PARD3B: variants seen among roughly 807,000 people sequenced by gnomAD.
The protein encoded by PARD3B is partitioning defective 3 homolog B.
A neutral mutation model predicts 130.2 loss-of-function variants in PARD3B; 103 were observed. That is an observed-to-expected ratio of 0.79 (90% confidence interval 0.67 to 0.93). The LOEUF (loss-of-function observed/expected upper bound fraction) is 0.93. Ranked by LOEUF, PARD3B falls within the 40% of genes least tolerant of loss-of-function variation. The pLI is 0.00. For synonymous variants in PARD3B, 583 were observed against 553.2 expected (o/e 1.05, Z -0.76); for missense variants, 1,609 against 1,499.2 (o/e 1.07, Z -1.21).
At chr2:204,927,102 C>T (rs1028964973) in intron 2 of PARD3B, among the ~76,000 whole-genome samples, 1 of 151,936 alleles carries the variant, frequency 6.6e-6, no homozygotes, top group African/African-American at 2.4e-5. Context: ...AATGCATAGC[C>T]CTCTTTAGGA....
At chr2:205,152,906 G>A (rs893456888) in intron 10 of PARD3B, among the ~76,000 whole-genome samples, 1 of 152,068 alleles carries the variant, frequency 6.6e-6, no homozygotes, top group African/African-American at 2.4e-5. Flanking sequence ...ATCTACCTTT[G>A]GTCTTTGATG....
intron 2 of PARD3B, among the ~76,000 whole-genome samples, chr2:204,938,637 T>G (rs1688652340): frequency 6.6e-6 from 1 of 152,244 alleles, no homozygotes; most frequent in Non-Finnish European, 1.5e-5. Context: ...TGGAAGTGCA[T>G]TAAAATCATT....
intron 7 of PARD3B, among the ~76,000 whole-genome samples, chr2:205,120,694 G>GA (rs1173205067): frequency 8.5e-5 from 13 of 152,178 alleles, no homozygotes; most frequent in Admixed American, 7.9e-4. Flanking sequence ...TCCTTCAGTG[G>GA]AAAAATGGGC....
intron 1 of PARD3B, among the ~76,000 whole-genome samples, chr2:204,546,419 C>G (rs971506197): frequency 6.6e-6 from 1 of 152,102 alleles, no homozygotes; most frequent in Non-Finnish European, 1.5e-5. Flanking sequence ...TAACGAGATC[C>G]CCAGGTGATT....
intron 1 of PARD3B, among the ~76,000 whole-genome samples, chr2:204,679,930 A>G (rs2036743080): frequency 6.6e-6 from 1 of 152,022 alleles, no homozygotes; most frequent in African/African-American, 2.4e-5. Flanking sequence ...TATAGACATC[A>G]CTGAATTTGA....
At position 205,446,868 on chromosome 2, in the gene PARD3B, A is replaced by G. The variant is rs2047924815; in HGVS notation, c.3044+6196A>G. On this transcript the variant is annotated intron_variant, in intron 20 of 22. Transcript: ENST00000406610. The surrounding 1 kb of genome is among the most constrained non-coding windows in gnomAD (Gnocchi z 4.4). The stretch of plus-strand genomic sequence containing the variant: ...GAAAGGGCTCCCAGAGTGTATGAAC[A>G]TGAAAACTTTATGTCTGGATGAGGA... Among the ~76,000 whole-genome samples the G allele has an allele frequency of 6.6e-6, 1 of 152,212 alleles. No homozygotes were observed. The highest frequency in any genetic ancestry group is 2.1e-4 in the South Asian group (1 of 4,832).
intron 5 of PARD3B, among the ~76,000 whole-genome samples, chr2:205,106,143 T>G (rs1355929841): frequency 6.6e-6 from 1 of 151,578 alleles, no homozygotes; most frequent in African/African-American, 2.4e-5. Context: ...TTTTATTTAT[T>G]TATTTATTTT....
At chr2:205,023,142 A>G (rs895518140) in intron 3 of PARD3B, among the ~76,000 whole-genome samples, 6 of 151,928 alleles carry the variant, frequency 3.9e-5, no homozygotes, top group African/African-American at 9.7e-5. Context: ...TGTCGGGGGG[A>G]TTAGAAGTTC....
At chr2:204,558,851 C>G (rs905368243) in intron 1 of PARD3B, among the ~76,000 whole-genome samples, 2 of 152,100 alleles carry the variant, frequency 1.3e-5, no homozygotes, top group African/African-American at 4.8e-5. Flanking sequence ...GAGATATAGA[C>G]CAATGGAACG....
At chr2:205,209,361 T>C (rs1432779291) in intron 15 of PARD3B, among the ~76,000 whole-genome samples, 1 of 151,986 alleles carries the variant, frequency 6.6e-6, no homozygotes, top group African/African-American at 2.4e-5. Context: ...AAAGACAAAA[T>C]TGACAAATGG....
At chr2:204,727,144 G>A (rs2039271272) in intron 2 of PARD3B, among the ~76,000 whole-genome samples, 1 of 151,908 alleles carries the variant, frequency 6.6e-6, no homozygotes, top group Admixed American at 6.6e-5. Flanking sequence ...TGAGAAGCTT[G>A]GTGTCAGAGC....
At chr2:205,447,891 G>T (rs1006108316) in intron 20 of PARD3B, among the ~76,000 whole-genome samples, 1 of 152,242 alleles carries the variant, frequency 6.6e-6, no homozygotes, top group Admixed American at 6.5e-5. Context: ...CACTGTCTCC[G>T]TGTAGCTTTT....
chr2:205,547,968 C>CAGT (rs1472826944), intron 21 of PARD3B, among the ~76,000 whole-genome samples: 2 of 152,166 alleles, frequency 1.3e-5, no homozygotes, highest in East Asian at 3.9e-4. Context: ...CACTAACACA[C>CAGT]AGTCCCTGTC....
chr2:205,008,521 T>C (rs964375103), intron 3 of PARD3B, among the ~76,000 whole-genome samples: 4 of 152,186 alleles, frequency 2.6e-5, no homozygotes, highest in African/African-American at 9.7e-5. Flanking sequence ...AGAAATGTAT[T>C]TTAGCCCAGT....
intron 2 of PARD3B, among the ~76,000 whole-genome samples, chr2:204,837,096 T>G (rs563369989): frequency 7.2e-5 from 11 of 152,252 alleles, no homozygotes; most frequent in African/African-American, 2.6e-4. Flanking sequence ...TCCAGTGGGG[T>G]ATGATTGGAC....
intron 22 of PARD3B, among the ~76,000 whole-genome samples, chr2:205,579,299 G>A (rs1471332906): frequency 6.6e-6 from 1 of 152,180 alleles, no homozygotes; most frequent in Non-Finnish European, 1.5e-5. Context: ...AAAGGCTATT[G>A]TGGCATCATC....
chr2:205,285,795 T>C (rs2041373288), intron 16 of PARD3B, among the ~76,000 whole-genome samples: 1 of 152,194 alleles, frequency 6.6e-6, no homozygotes, highest in Admixed American at 6.5e-5. Flanking sequence ...TTTGGGATGC[T>C]TTTGAGTTTT....
chr2:204,997,511 A>G (rs10932092), intron 3 of PARD3B, among the ~76,000 whole-genome samples: 1 of 151,126 alleles, frequency 6.6e-6, no homozygotes, highest in Non-Finnish European at 1.5e-5. Context: ...TATTATAAAG[A>G]AAGTTACTAA....
chr2:205,049,454 A>G (rs1476358921), intron 4 of PARD3B, among the ~76,000 whole-genome samples: 1 of 152,148 alleles, frequency 6.6e-6, no homozygotes, highest in Non-Finnish European at 1.5e-5. Flanking sequence ...CACTTCCCAC[A>G]GGGTACCTCC....
Sources: allele counts gnomAD v4.1 joint callset (sites outside exome capture counted in the v4.1 genomes callset), GRCh38; gene constraint gnomAD v4.1.1; non-coding constraint Gnocchi (gnomAD v3.1); transcripts MANE v1.5; gene names NCBI Gene and HGNC (gene_info 2026-07-23, HGNC 2026-07-21).